Variants in RELCH observed in about 807,000 individuals in gnomAD.
The protein encoded by RELCH is RAB11 binding and LisH domain, coiled-coil and HEAT repeat containing.
RELCH carries 41 observed loss-of-function variants against 150.3 expected under a neutral mutation model. That is an observed-to-expected ratio of 0.27 (90% CI 0.21 to 0.35). The LOEUF is 0.35. Among genes scored for constraint, RELCH ranks in the 10% least tolerant of loss-of-function variants. The pLI is 1.00. For missense variants in RELCH, 1,092 were observed against 1,467.8 expected (o/e 0.74, Z 4.18); for synonymous variants, 478 against 531.8 (o/e 0.90, Z 1.39).
At chr18:62,286,350 T>C (rs2044791866) in intron 25 of RELCH, among the ~76,000 whole-genome samples, 1 of 152,124 alleles carries the variant, frequency 6.6e-6, no homozygotes, top group South Asian at 2.1e-4. Context: ...GTTATTAATT[T>C]TGACAAGTCA....
chr18:62,264,167 A>G (rs750202831), intron 17 of RELCH, 22 bp downstream of exon 17: 47 of 1,567,900 alleles, frequency 3.0e-5, no homozygotes, highest in Non-Finnish European at 3.8e-5. Context: ...CCTCCATATT[A>G]ATTTGAATAG....
intron 22 of RELCH, among the ~76,000 whole-genome samples, chr18:62,276,733 T>C (rs774369804): frequency 3.7e-4 from 57 of 152,084 alleles, no homozygotes; most frequent in Non-Finnish European, 7.2e-4. Flanking sequence ...GAAAATTCCA[T>C]TGTTATCAGG....
rs369175042 is a variant in RELCH, at chr18:62,264,041, C to T, written c.2403C>T (p.Ile801=). 10 of 1,609,036 alleles carry T rather than the reference C, an allele frequency of 6.2e-6. No individual in the cohort carries two copies. In the African/African-American group the frequency reaches 8.1e-5, roughly 13 times the overall value. Residue 801 remains isoleucine, a synonymous_variant, in exon 17 of 29, where the codon ATC becomes ATT. Transcript: ENST00000644646. ...MSPLQDVSTI[I]GSREQLAVLL... is the part of the protein sequence containing the mutation. ...CTCTTCAAGATGTGTCCACTATTAT[C>T]GGAAGTCGTGAGCAATTGGCAGTGC...
chr18:62,279,863 G>A lies in RELCH; in HGVS notation c.3050+7G>A, dbSNP rs2044411864. The A allele has an allele frequency of 2.6e-6, 4 of 1,522,684 alleles. No homozygotes were observed. The highest frequency in any genetic ancestry group is 3.5e-6 in the Non-Finnish European group (4 of 1,134,966). 94.3% of individuals were successfully genotyped at this position (1,522,684 alleles called of 1,614,324 possible). A position where few individuals can be genotyped will look rare whatever the true frequency, so the allele number is the denominator to read the frequency against. On this transcript the variant is annotated splice_region_variant and intron_variant, in intron 23 of 28. Transcript: ENST00000644646. ...TCTCCAGTGACCCTGAAATGTAAGT[G>A]TCATCCCTGCCTTTTATATTCGGCA...
chr18:62,232,459 A>G (rs1218474619), intron 10 of RELCH, 32 bp downstream of exon 10: 1 of 1,294,972 alleles, frequency 7.7e-7, no homozygotes, highest in Non-Finnish European at 1.1e-6. Flanking sequence ...TCGTCCCAGT[A>G]ATCCCATCAT....
chr18:62,193,376 C>T (rs1173827808), intron 1 of RELCH, among the ~76,000 whole-genome samples: 2 of 152,160 alleles, frequency 1.3e-5, no homozygotes, highest in East Asian at 1.9e-4. Context: ...TTGCATGATC[C>T]CTGGCCAGAA....
chr18:62,236,064 A>G (rs1385529482), intron 10 of RELCH, among the ~76,000 whole-genome samples: 2 of 151,970 alleles, frequency 1.3e-5, no homozygotes, highest in African/African-American at 4.8e-5. Flanking sequence ...ATCTTTCACC[A>G]TTGACTATGA....
At chr18:62,271,332 C>G (rs564579389) in intron 20 of RELCH, among the ~76,000 whole-genome samples, 7 of 152,208 alleles carry the variant, frequency 4.6e-5, no homozygotes, top group Admixed American at 1.3e-4. Context: ...TTGCACTTCT[C>G]TGATGGCCAG....
chr18:62,226,478 T>C (rs1436371227), intron 5 of RELCH, among the ~76,000 whole-genome samples: 1 of 152,052 alleles, frequency 6.6e-6, no homozygotes, highest in Non-Finnish European at 1.5e-5. Flanking sequence ...TTAAATTGTT[T>C]CCCTACCCAT....
At chr18:62,190,390 A>G (rs1275820314) in intron 1 of RELCH, among the ~76,000 whole-genome samples, 1 of 152,110 alleles carries the variant, frequency 6.6e-6, no homozygotes, top group African/African-American at 2.4e-5. Context: ...CAGCCTGGCC[A>G]ACATGGTGAA....
At chr18:62,225,391 G>T (rs1481978572) in intron 5 of RELCH, among the ~76,000 whole-genome samples, 1 of 151,920 alleles carries the variant, frequency 6.6e-6, no homozygotes, top group Admixed American at 6.6e-5. Flanking sequence ...CCACTTTTAA[G>T]TGAATGAGAA....
chr18:62,219,500 T>TAAAA, intron 2 of RELCH, among the ~76,000 whole-genome samples: 1 of 137,216 alleles, frequency 7.3e-6, no homozygotes, highest in African/African-American at 2.6e-5. Context: ...TTTTAAAATG[T>TAAAA]AAAAAAAAAA....
chr18:62,304,395 C>T (rs1285200979), intron 28 of RELCH, among the ~76,000 whole-genome samples: 8 of 152,184 alleles, frequency 5.3e-5, no homozygotes, highest in African/African-American at 1.9e-4. Context: ...GAGTAATTCA[C>T]AGTGCACACC....
At chr18:62,274,441 ACT>A (rs1182958909) in intron 21 of RELCH, among the ~76,000 whole-genome samples, 1 of 152,214 alleles carries the variant, frequency 6.6e-6, no homozygotes, top group African/African-American at 2.4e-5. Context: ...TCCTGTTTTC[ACT>A]GTTTGATTTG....
intron 11 of RELCH, among the ~76,000 whole-genome samples, chr18:62,245,394 C>G (rs2148502318): frequency 6.6e-6 from 1 of 152,256 alleles, no homozygotes; most frequent in East Asian, 1.9e-4. Flanking sequence ...GAGGCGGAGG[C>G]AGGCAGATCA....
intron 3 of RELCH, 43 bp downstream of exon 3, chr18:62,221,151 A>G (rs2040843885): frequency 6.3e-7 from 1 of 1,595,996 alleles, no homozygotes; most frequent in Non-Finnish European, 8.6e-7. Flanking sequence ...AACTTTGACA[A>G]TGTAGAAGTA....
intron 9 of RELCH, among the ~76,000 whole-genome samples, 186 bp downstream of exon 9, chr18:62,231,455 TTC>T (rs2041573027): frequency 6.6e-6 from 1 of 152,058 alleles, no homozygotes; most frequent in Admixed American, 6.6e-5. Flanking sequence ...AGTTGATTAT[TTC>T]TGTTTTTTCT....
In RELCH at chr18:62,187,671, T is replaced by G; in HGVS notation, c.166T>G (p.Ser56Ala). ...GLDPGSAGSL[S>A]PQDPVALGSS... is the part of the protein sequence containing the mutation. ...AGATCCTGGCTCTGCGGGCTCGCTG[T>G]CGCCACAGGATCCCGTGGCCTTAGG... The change falls in exon 1 of 29, where the codon TCG (serine) becomes GCG (alanine). Residue 56 changes from serine to alanine, a missense_variant. Around this residue, in one of 4 missense-constraint regions of RELCH, gnomAD observed 138 missense variants for 124.8 expected, o/e 1.11. Transcript: ENST00000644646. 1 of 1,566,940 alleles carries G rather than the reference T, an allele frequency of 6.4e-7. No homozygotes were observed. The highest frequency in any genetic ancestry group is 2.3e-5 in the East Asian group (1 of 44,314).
At chr18:62,190,386 G>T (rs968206371) in intron 1 of RELCH, among the ~76,000 whole-genome samples, 1 of 152,066 alleles carries the variant, frequency 6.6e-6, no homozygotes, top group Non-Finnish European at 1.5e-5. Context: ...AGACCAGCCT[G>T]GCCAACATGG....
Sources: gnomAD v4.1 joint callset for allele counts (sites outside exome capture counted in the v4.1 genomes callset) on GRCh38, gnomAD v4.1.1 for gene constraint, gnomAD v4.1.1 regional missense constraint, MANE v1.5 for transcripts, NCBI Gene and HGNC (gene_info 2026-07-23, HGNC 2026-07-21) for gene names.